The following DCP1B variants were observed in gnomAD, a reference collection of about 807,000 sequenced individuals.
The protein encoded by DCP1B is mRNA-decapping enzyme 1B.
DCP1B carries 47 observed loss-of-function variants against 60.5 expected under a neutral mutation model. The ratio of observed to expected loss-of-function variants is 0.78; its 90% CI spans 0.61 to 0.99. The LOEUF (loss-of-function observed/expected upper bound fraction) is 0.99, where lower values mean the gene tolerates loss of function less well. DCP1B is among the 50% of genes least tolerant of loss of function. The probability of loss-of-function intolerance (pLI) is 0.00; values close to 1 mark genes in which losing one functional copy is unlikely to be tolerated. For missense variants in DCP1B, 725 were observed against 756.8 expected (o/e 0.96, Z 0.49); for synonymous variants, 267 against 280.3 (o/e 0.95, Z 0.47).
At chr12:1,946,908 G>A (rs1716390353) in intron 8 of DCP1B, among the ~76,000 whole-genome samples, 1 of 152,084 alleles carries the variant, frequency 6.6e-6, no homozygotes. Flanking sequence ...GTTGCTCAGG[G>A]TGGTCTTGAA....
In DCP1B at chr12:1,948,975, T is replaced by C; in HGVS notation, c.1773+111A>G. 7.1e-7 allele frequency: 1 copy of C among 1,406,484 alleles called. No individual in the cohort carries two copies. The highest frequency in any genetic ancestry group is 1.4e-5 in the South Asian group (1 of 74,024). The allele number at this position is 1,406,484 out of a possible 1,614,324, so 87.1% of individuals were successfully genotyped here. ...GTCAGGATGAGTTGTTACACACACC[T>C]GTTATTCTCACGGAAGCTAAGCAGG... On this transcript the variant is annotated intron_variant, in intron 8 of 8. Transcript: ENST00000280665. This position sits in a 1 kb window ranked among gnomAD's most constrained non-coding sequence, Gnocchi z 4.8.
At position 1,949,218 on chromosome 12, in the gene DCP1B, A is replaced by G. The variant is rs2030562708; in HGVS notation, c.1641T>C (p.Pro547=). 2 of 1,614,192 alleles carry G rather than the reference A, an allele frequency of 1.2e-6. No homozygotes were observed. Among genetic ancestry groups the G allele is most frequent in the Non-Finnish European group, 1.7e-6 (2 of 1,180,034 alleles). ...PPKERESGLL[P]VGGQEPPAAA... ...CAGCAGGTGGCTCCTGGCCTCCCAC[A>G]GGCAAGAGGCCGCTCTCCCTTTCCT... The change falls in exon 8 of 9, where the codon CCT becomes CCC. Residue 547 remains proline (P), a synonymous_variant. Coordinates refer to ENST00000280665, the MANE Select transcript of DCP1B (RefSeq NM_152640.5).
intron 5 of DCP1B, among the ~76,000 whole-genome samples, chr12:1,960,870 C>T (rs1024967343): frequency 6.6e-6 from 1 of 152,200 alleles, no homozygotes; most frequent in Admixed American, 6.5e-5. Flanking sequence ...TCTGAAGGAA[C>T]ATTCTGTTTT....
At chr12:1,993,514 C>T in intron 2 of DCP1B, 123 bp from the exon 3 acceptor site, 3 of 1,186,926 alleles carry the variant, frequency 2.5e-6, no homozygotes, top group Non-Finnish European at 2.3e-6. Context: ...TTTATATAAG[C>T]AGCCTGTACA....
chr12:1,952,823 T>C lies in DCP1B; in HGVS notation c.1117A>G (p.Thr373Ala). The change falls in exon 7 of 9, where the codon ACA becomes GCA. Residue 373 changes from threonine to alanine, a missense_variant. Physicochemically the swap from Thr to Ala is moderately conservative, Grantham distance 58. Transcript: ENST00000280665. ...PGAANKCDPSTPAPASSAALN... is the reference protein window; with the variant it reads ...PGAANKCDPSAPAPASSAALN... ...GCAGCTGAGCTGGCAGGTGCTGGTG[T>C]ACTAGGGTCACACTTGTTTGCTGCC... 6.2e-7 allele frequency: 1 copy of C among 1,614,166 alleles called. No individual in the cohort carries two copies. Among genetic ancestry groups the C allele is most frequent in the South Asian group, 1.1e-5 (1 of 91,076 alleles).
At chr12:2,003,387 T>C (rs1382901817) in intron 1 of DCP1B, among the ~76,000 whole-genome samples, 1 of 152,212 alleles carries the variant, frequency 6.6e-6, no homozygotes, top group African/African-American at 2.4e-5. Flanking sequence ...GTAACTTATT[T>C]TAAAATGATG....
chr12:1,957,567 C>T (rs1021929254), intron 5 of DCP1B, among the ~76,000 whole-genome samples: 2 of 152,168 alleles, frequency 1.3e-5, no homozygotes, highest in African/African-American at 4.8e-5. Context: ...AACCACAAAA[C>T]ACAAATAGTC....
rs2033558490 is a variant in DCP1B, at chr12:1,974,271, T to A, written c.320-6361A>T. ...TATGCTAGAATTCTCTATCAATTGATTACACCTTCTACCAGAAATTTCAGC... is the reference window on the plus strand; with the variant it reads ...TATGCTAGAATTCTCTATCAATTGAATACACCTTCTACCAGAAATTTCAGC... On this transcript the variant is annotated intron_variant, in intron 3 of 8. Coordinates refer to ENST00000280665, the MANE Select transcript of DCP1B (RefSeq NM_152640.5). 2.0e-5 allele frequency among the ~76,000 whole-genome samples: 3 copies of A among 152,194 alleles called. No homozygotes were observed. In the South Asian group the frequency reaches 6.2e-4, roughly 31 times the overall value.
In DCP1B at chr12:1,946,225, G is replaced by C; in HGVS notation, c.1835C>G (p.Ala612Gly). 4 of 1,604,240 alleles carry C rather than the reference G, an allele frequency of 2.5e-6. No homozygotes were observed. Among genetic ancestry groups the C allele is most frequent in the Non-Finnish European group, 3.4e-6 (4 of 1,176,182 alleles). Residue 612 changes from alanine (A) to glycine (G), a missense_variant, in exon 9 of 9, where the codon GCC becomes GGC. Ala to Gly is a moderately conservative substitution (Grantham distance 60). Coordinates refer to ENST00000280665, the MANE Select transcript of DCP1B (RefSeq NM_152640.5). Reference sequence around the variant, plus strand: ...TTGCTGTCACATAGTCTTTTTCATGGCTGCTTGAGTCATGCTGAAGAGATA... The same window carrying C: ...TTGCTGTCACATAGTCTTTTTCATGCCTGCTTGAGTCATGCTGAAGAGATA... ...EAYLFSMTQA[A>G]MKKTM
chr12:1,979,601 C>T (rs186418637), intron 3 of DCP1B, among the ~76,000 whole-genome samples: 12 of 152,342 alleles, frequency 7.9e-5, no homozygotes, highest in African/African-American at 2.6e-4. Context: ...CGTGAGCCAC[C>T]GTGCCCAGCC....
intron 3 of DCP1B, among the ~76,000 whole-genome samples, chr12:1,980,326 G>C (rs1468252006): frequency 6.6e-6 from 1 of 152,162 alleles, no homozygotes; most frequent in Non-Finnish European, 1.5e-5. Context: ...CAAAGTACCT[G>C]AGGAATCATG....
At chr12:1,985,037 A>T (rs2037299976) in intron 3 of DCP1B, among the ~76,000 whole-genome samples, 1 of 144,562 alleles carries the variant, frequency 6.9e-6, no homozygotes, top group African/African-American at 2.5e-5. Flanking sequence ...TTCAAGATTA[A>T]AAAAAAAAAA....
At chr12:1,983,982 C>T (rs1477091479) in intron 3 of DCP1B, among the ~76,000 whole-genome samples, 2 of 152,004 alleles carry the variant, frequency 1.3e-5, no homozygotes, top group East Asian at 3.8e-4. Context: ...TATGCAATGT[C>T]GTTTTTTATC....
At chr12:1,979,877 T>C (rs1213346731) in intron 3 of DCP1B, among the ~76,000 whole-genome samples, 1 of 152,180 alleles carries the variant, frequency 6.6e-6, no homozygotes, top group African/African-American at 2.4e-5. Flanking sequence ...TATGAAGAAA[T>C]GCTCAATACA....
At chr12:1,975,042 A>G (rs141665917) in intron 3 of DCP1B, among the ~76,000 whole-genome samples, 179 of 152,288 alleles carry the variant, frequency 1.2e-3, no homozygotes, top group African/African-American at 4.2e-3. Context: ...ACACATGATC[A>G]CAGAAATATT....
chr12:1,945,087 G>GA (rs1414467149), downstream of DCP1B, among the ~76,000 whole-genome samples: 1 of 151,866 alleles, frequency 6.6e-6, no homozygotes, highest in Non-Finnish European at 1.5e-5. Context: ...AAATTTACAA[G>GA]AAAAAAACAA....
In DCP1B at chr12:1,971,530, C is replaced by T. The variant is rs2032261272; in HGVS notation, c.320-3620G>A. Among the ~76,000 whole-genome samples the T allele has an allele frequency of 6.6e-6, 1 of 152,178 alleles. No homozygotes were observed. The highest frequency in any genetic ancestry group is 2.4e-5 in the African/African-American group (1 of 41,434). ...GAGATCAAAATTTCCATATAGACTT[C>T]ATGTCTGGATTTTTTAGGTCCACAA... On this transcript the variant is annotated intron_variant, in intron 3 of 8. Coordinates refer to ENST00000280665, the MANE Select transcript of DCP1B (RefSeq NM_152640.5). This position sits in a 1 kb window ranked among gnomAD's most constrained non-coding sequence, Gnocchi z 4.2.
intron 3 of DCP1B, among the ~76,000 whole-genome samples, chr12:1,985,088 C>T (rs1299356846): frequency 6.6e-6 from 1 of 151,540 alleles, no homozygotes. Context: ...ACTGTCATGT[C>T]ATGGGCATGG....
chr12:1,952,398 C>G lies in DCP1B; in HGVS notation c.1524+18G>C. 2 of 1,537,168 alleles carry G rather than the reference C, an allele frequency of 1.3e-6. No individual in the cohort carries two copies. Among genetic ancestry groups the G allele is most frequent in the South Asian group, 2.5e-5 (2 of 78,700 alleles). On this transcript the variant is annotated intron_variant, in intron 7 of 8. Transcript: ENST00000280665. ...ATGCTGCCCAGGCTGTTTTATTTTG[C>G]CCCTGGTACATATTTACCTGGAAAA...
Sources: allele counts gnomAD v4.1 joint callset (sites outside exome capture counted in the v4.1 genomes callset), GRCh38; gene constraint gnomAD v4.1.1; non-coding constraint Gnocchi (gnomAD v3.1); transcripts MANE v1.5; gene names NCBI Gene and HGNC (gene_info 2026-07-23, HGNC 2026-07-21).